DIAPH3: variants seen among roughly 807,000 people sequenced by gnomAD.
The protein encoded by DIAPH3 is diaphanous related formin 3, also known as protein diaphanous homolog 3.
In DIAPH3, 117 loss-of-function variants were observed where a neutral mutation model predicts 144.3. That is an observed-to-expected ratio of 0.81 (90% CI 0.70 to 0.95). The LOEUF is 0.95. DIAPH3 is among the 40% of genes least tolerant of loss of function. The pLI is 0.00. For missense variants in DIAPH3, 1,421 were observed against 1,412.7 expected (o/e 1.01, Z -0.09); for synonymous variants, 519 against 488.9 (o/e 1.06, Z -0.81).
At position 59,983,139 on chromosome 13, in the gene DIAPH3, T is replaced by TAAAAA. The variant is rs4054895; in HGVS notation, c.1480+625_1480+629dup. ...ACACTAAATAATAATGCTTTATCTT[T>TAAAAA]AAAAAAAAAAAAAAAAAAAACTCTC... On this transcript the variant is annotated intron_variant, in intron 13 of 27. Transcript: ENST00000400324. Among the ~76,000 whole-genome samples the TAAAAA allele has an allele frequency of 3.5e-4, 37 of 104,676 alleles. 4 individuals are homozygous for TAAAAA. Among genetic ancestry groups the TAAAAA allele is most frequent in the African/African-American group, 9.6e-4 (25 of 26,162 alleles). The allele number at this position is 104,676 out of a possible 152,430, so 68.7% of individuals were successfully genotyped here. A position where few individuals can be genotyped will look rare whatever the true frequency, so the allele number is the denominator to read the frequency against.
chr13:60,155,257 T>A (rs1355156535), intron 1 of DIAPH3, among the ~76,000 whole-genome samples: 1 of 152,088 alleles, frequency 6.6e-6, no homozygotes, highest in East Asian at 1.9e-4. Flanking sequence ...AAGACATGAG[T>A]CTTTGAAAAA....
intron 12 of DIAPH3, among the ~76,000 whole-genome samples, chr13:59,988,044 T>A (rs1301211971): frequency 6.6e-6 from 1 of 151,852 alleles, no homozygotes; most frequent in East Asian, 1.9e-4. Context: ...CCATAAACTA[T>A]GACCCACTGC....
intron 17 of DIAPH3, among the ~76,000 whole-genome samples, chr13:59,942,764 CTTAA>C (rs1257047598): frequency 1.3e-5 from 2 of 151,828 alleles, no homozygotes; most frequent in African/African-American, 2.4e-5. Flanking sequence ...GGTTTTTTTC[CTTAA>C]TTAAATGAGC....
chr13:59,996,601 G>C (rs2052202983), intron 9 of DIAPH3, among the ~76,000 whole-genome samples: 1 of 151,998 alleles, frequency 6.6e-6, no homozygotes, highest in South Asian at 2.1e-4. Context: ...AGACTGGAAA[G>C]CGAGCGGCCA....
At chr13:60,117,409 GA>G (rs1320077831) in intron 2 of DIAPH3, among the ~76,000 whole-genome samples, 1 of 151,790 alleles carries the variant, frequency 6.6e-6, no homozygotes, top group Non-Finnish European at 1.5e-5. Context: ...AAGAATAAAA[GA>G]AAAAAATAAG....
intron 4 of DIAPH3, among the ~76,000 whole-genome samples, chr13:60,057,332 A>C (rs2056595655): frequency 6.6e-6 from 1 of 151,978 alleles, no homozygotes. Context: ...CAAGGAATAT[A>C]CTTAACCAAG....
At chr13:59,983,228 CG>C (rs994733177) in intron 13 of DIAPH3, among the ~76,000 whole-genome samples, 2 of 135,218 alleles carry the variant, frequency 1.5e-5, no homozygotes, top group East Asian at 2.2e-4. Context: ...AAAAAGGCTT[CG>C]GGGGGGACAG....
At chr13:60,044,386 C>A (rs2055912189) in intron 4 of DIAPH3, 1 of 152,022 alleles carries the variant, frequency 6.6e-6, no homozygotes, top group African/African-American at 2.4e-5. Flanking sequence ...ATGTCATTAT[C>A]AAAGTAGTAA....
chr13:60,007,406 T>G (rs1001323053), intron 9 of DIAPH3, among the ~76,000 whole-genome samples: 2 of 152,120 alleles, frequency 1.3e-5, no homozygotes, highest in Admixed American at 6.6e-5. Flanking sequence ...ATTTTTTTAT[T>G]TCAGATTTAG....
At chr13:59,839,489 A>G (rs1233640773) in intron 22 of DIAPH3, 41 bp from the exon 23 acceptor site, 3 of 1,598,142 alleles carry the variant, frequency 1.9e-6, no homozygotes, top group African/African-American at 1.3e-5. Flanking sequence ...GGACAAAATT[A>G]TAATATATAA....
At chr13:60,008,961 A>G (rs1288260723) in intron 8 of DIAPH3, among the ~76,000 whole-genome samples, 1 of 152,192 alleles carries the variant, frequency 6.6e-6, no homozygotes, top group Non-Finnish European at 1.5e-5. Context: ...GGTAGGTACT[A>G]TAATTAACCC....
intron 9 of DIAPH3, among the ~76,000 whole-genome samples, chr13:60,007,947 T>C (rs1256990323): frequency 6.6e-6 from 1 of 152,112 alleles, no homozygotes; most frequent in African/African-American, 2.4e-5. Flanking sequence ...TAACATAGAA[T>C]AAACAGTTCA....
intron 27 of DIAPH3, among the ~76,000 whole-genome samples, chr13:59,725,369 A>G (rs1470328481): frequency 6.6e-6 from 1 of 152,210 alleles, no homozygotes; most frequent in East Asian, 1.9e-4. Flanking sequence ...AAGTAAACAG[A>G]AGCAAGAGGA....
intron 17 of DIAPH3, among the ~76,000 whole-genome samples, chr13:59,942,567 A>G (rs2048588572): frequency 6.6e-6 from 1 of 152,188 alleles, no homozygotes; most frequent in East Asian, 1.9e-4. Flanking sequence ...ATAGAAGTAC[A>G]ATTTTTAAAA....
intron 20 of DIAPH3, among the ~76,000 whole-genome samples, chr13:59,893,015 T>A (rs1301915648): frequency 1.3e-5 from 2 of 152,104 alleles, no homozygotes; most frequent in African/African-American, 4.8e-5. Context: ...TTGAAGTTTG[T>A]GAACGACATA....
chr13:60,161,663 C>T (rs1327972968), intron 1 of DIAPH3, among the ~76,000 whole-genome samples: 1 of 152,124 alleles, frequency 6.6e-6, no homozygotes, highest in Non-Finnish European at 1.5e-5. Flanking sequence ...AAGATAAATA[C>T]ACACAAGAAA....
intron 17 of DIAPH3, among the ~76,000 whole-genome samples, chr13:59,954,193 C>T (rs181226795): frequency 2.4e-4 from 37 of 152,306 alleles, no homozygotes; most frequent in South Asian, 4.1e-4. Context: ...CAACTCCTTT[C>T]TAATAATGCA....
rs796562674 is a variant in DIAPH3, at chr13:60,142,350, C to G, written c.181-9361G>C. Among the ~76,000 whole-genome samples the G allele has an allele frequency of 7.9e-5, 12 of 152,082 alleles. No individual in the cohort carries two copies. In the East Asian group the frequency reaches 1.7e-3, roughly 22 times the overall value. Reference sequence around the variant, plus strand: ...TACCAGAAGGTATTAGAAATACTCTCAAAACACTGTAAAGCCAATAAAGGC... The same window carrying G: ...TACCAGAAGGTATTAGAAATACTCTGAAAACACTGTAAAGCCAATAAAGGC... On this transcript the variant is annotated intron_variant, in intron 1 of 27. Transcript: ENST00000400324.
chr13:59,872,406 G>A (rs1466543796), intron 21 of DIAPH3, among the ~76,000 whole-genome samples: 1 of 152,090 alleles, frequency 6.6e-6, no homozygotes, highest in East Asian at 1.9e-4. Flanking sequence ...GTATATCTCA[G>A]GTGATATTTT....
Sources: allele counts gnomAD v4.1 joint callset (sites outside exome capture counted in the v4.1 genomes callset), GRCh38; gene constraint gnomAD v4.1.1; transcripts MANE v1.5; gene names NCBI Gene and HGNC (gene_info 2026-07-23, HGNC 2026-07-21).